The following PDE10A variants were observed in gnomAD, a reference collection of about 807,000 sequenced individuals.
The protein encoded by PDE10A is cAMP and cAMP-inhibited cGMP 3',5'-cyclic phosphodiesterase 10A.
Under a neutral mutation model 97.7 loss-of-function variants are expected in PDE10A, and 39 were observed. The observed-to-expected ratio is 0.40, with a 90% CI of 0.31 to 0.52. PDE10A has a LOEUF of 0.52. PDE10A is among the 20% of genes least tolerant of loss of function. The pLI is 0.56. For missense variants in PDE10A, 731 were observed against 1,047.8 expected, an observed-to-expected ratio of 0.70 and a Z score of 4.17; for synonymous variants, 371 against 376.8, an observed-to-expected ratio of 0.98 and a Z score of 0.18.
intron 1 of PDE10A, among the ~76,000 whole-genome samples, chr6:165,972,038 GT>G (rs1172350827): frequency 1.3e-5 from 2 of 152,106 alleles, no homozygotes; most frequent in Non-Finnish European, 2.9e-5. Flanking sequence ...GCCTCCTGGG[GT>G]GTGAGGGGGT....
intron 1 of PDE10A, among the ~76,000 whole-genome samples, chr6:165,599,631 C>G (rs1354372865): frequency 6.6e-6 from 1 of 152,282 alleles, no homozygotes; most frequent in African/African-American, 2.4e-5. Context: ...ACAGGCTTAA[C>G]AGAATACCTC....
chr6:165,372,772 T>G (rs1219159104), intron 18 of PDE10A, among the ~76,000 whole-genome samples: 2 of 134,652 alleles, frequency 1.5e-5, no homozygotes, highest in African/African-American at 6.0e-5. Flanking sequence ...CATTGCCAAG[T>G]CAATCCTAAG....
intron 1 of PDE10A, among the ~76,000 whole-genome samples, chr6:165,569,663 C>T (rs1784956111): frequency 1.3e-5 from 2 of 152,174 alleles, no homozygotes; most frequent in East Asian, 3.9e-4. Flanking sequence ...AAACTCATAC[C>T]CTCCTCTTAA....
intron 1 of PDE10A, among the ~76,000 whole-genome samples, chr6:165,620,763 G>GC (rs1788086651): frequency 8.7e-6 from 1 of 114,822 alleles, no homozygotes; most frequent in Non-Finnish European, 1.7e-5. Flanking sequence ...AGAGAAGGCT[G>GC]GGTAATCCCA....
At chr6:165,794,503 CATGCTCACTCAT>C (rs1478105501) in intron 1 of PDE10A, among the ~76,000 whole-genome samples, 4 of 151,872 alleles carry the variant, frequency 2.6e-5, no homozygotes. Flanking sequence ...TACACACTCA[CATGCTCACTCAT>C]ACACTCGCAC....
At chr6:165,545,568 T>G (rs958237492) in intron 1 of PDE10A, among the ~76,000 whole-genome samples, 8 of 152,014 alleles carry the variant, frequency 5.3e-5, no homozygotes, top group African/African-American at 1.9e-4. Context: ...AAACACTCGT[T>G]AAACTCAACA....
chr6:165,384,671 T>TGTGTG (rs1438256061), intron 17 of PDE10A, among the ~76,000 whole-genome samples: 3 of 47,062 alleles, frequency 6.4e-5, no homozygotes, highest in African/African-American at 2.5e-4. Flanking sequence ...TGTGTGTGTA[T>TGTGTG]GGGGGGGGGC....
chr6:165,900,554 C>T (rs1295151578), intron 1 of PDE10A, among the ~76,000 whole-genome samples: 1 of 152,146 alleles, frequency 6.6e-6, no homozygotes, highest in Non-Finnish European at 1.5e-5. Context: ...TCTTTTGTCC[C>T]TCTCTGTCTC....
chr6:165,472,456 A>C (rs1779069545), intron 3 of PDE10A, among the ~76,000 whole-genome samples: 1 of 151,950 alleles, frequency 6.6e-6, no homozygotes, highest in Non-Finnish European at 1.5e-5. Context: ...CTATATTTTA[A>C]ATTTTGCTCC....
chr6:165,534,946 A>G (rs1782990056), intron 2 of PDE10A, among the ~76,000 whole-genome samples: 1 of 152,074 alleles, frequency 6.6e-6, no homozygotes, highest in Non-Finnish European at 1.5e-5. Context: ...CAGCCAGAGC[A>G]ATTACACAAG....
intron 3 of PDE10A, among the ~76,000 whole-genome samples, chr6:165,481,934 C>A (rs1404346903): frequency 1.3e-5 from 2 of 152,198 alleles, no homozygotes; most frequent in African/African-American, 4.8e-5. Context: ...GAGCATCATG[C>A]AGCTGAAGGC....
intron 16 of PDE10A, 125 bp downstream of exon 16, chr6:165,392,521 G>T: frequency 1.2e-6 from 1 of 810,994 alleles, no homozygotes; most frequent in South Asian, 2.0e-5. Context: ...GGCTACTATT[G>T]ATTTATTAAG....
At chr6:165,548,899 CA>C (rs1477700811) in intron 1 of PDE10A, among the ~76,000 whole-genome samples, 1 of 152,128 alleles carries the variant, frequency 6.6e-6, no homozygotes, top group Non-Finnish European at 1.5e-5. Context: ...CATGGGTAAA[CA>C]ACTAAAAAAT....
intron 2 of PDE10A, among the ~76,000 whole-genome samples, chr6:165,537,591 C>T (rs1173189870): frequency 2.0e-5 from 3 of 151,582 alleles, no homozygotes; most frequent in Non-Finnish European, 4.4e-5. Context: ...TATGTAAATA[C>T]CAAAGATCCA....
chr6:165,554,152 T>G (rs1430223691), intron 1 of PDE10A, among the ~76,000 whole-genome samples: 1 of 152,090 alleles, frequency 6.6e-6, no homozygotes, highest in Non-Finnish European at 1.5e-5. Context: ...AAAGTAAACA[T>G]GGACAAATGG....
chr6:165,521,009 C>T (rs1361014703), intron 2 of PDE10A, among the ~76,000 whole-genome samples: 1 of 152,046 alleles, frequency 6.6e-6, no homozygotes, highest in African/African-American at 2.4e-5. Context: ...TTTGTGGCAC[C>T]CCAGCAGCAA....
intron 3 of PDE10A, among the ~76,000 whole-genome samples, chr6:165,453,697 G>C (rs34656209): frequency 0.021 from 3,249 of 152,290 alleles, 126 homozygotes; most frequent in African/African-American, 0.075. Context: ...AAACTTGCAG[G>C]CTTCATGAGC....
At chr6:165,630,522 T>C (rs1177885279) in intron 1 of PDE10A, among the ~76,000 whole-genome samples, 2 of 152,252 alleles carry the variant, frequency 1.3e-5, no homozygotes, top group Admixed American at 6.5e-5. Context: ...AGAAATCCCA[T>C]ACCATTTAAA....
At chr6:165,678,582 C>T (rs564771965) in intron 1 of PDE10A, among the ~76,000 whole-genome samples, 47 of 152,172 alleles carry the variant, frequency 3.1e-4, no homozygotes, top group Non-Finnish European at 5.3e-4. Flanking sequence ...TTCTGCCCGC[C>T]GCTTGGAAAC....
Sources: allele counts gnomAD v4.1 joint callset (sites outside exome capture counted in the v4.1 genomes callset), GRCh38; gene constraint gnomAD v4.1.1; transcripts MANE v1.5; gene names NCBI Gene and HGNC (gene_info 2026-07-23, HGNC 2026-07-21).